Variants in CSMD1 observed in about 807,000 individuals in gnomAD.
CSMD1 encodes the protein CUB and sushi domain-containing protein 1.
In CSMD1, 213 loss-of-function variants were observed where a neutral mutation model predicts 417.5. The observed-to-expected ratio is 0.51, with a 90% CI of 0.46 to 0.57. The LOEUF (loss-of-function observed/expected upper bound fraction) is 0.57, where lower values mean the gene tolerates loss of function less well. Among genes scored for constraint, CSMD1 ranks in the 20% least tolerant of loss-of-function variants. The pLI is 0.00. For synonymous variants in CSMD1, 2,862 were observed against 1,736.8 expected (o/e 1.65, Z -16.11); for missense variants, 6,923 against 4,529.7 (o/e 1.53, Z -15.17).
intron 2 of CSMD1, among the ~76,000 whole-genome samples, chr8:4,606,672 G>T (rs151246852): frequency 6.6e-6 from 1 of 152,108 alleles, no homozygotes; most frequent in African/African-American, 2.4e-5. Flanking sequence ...CTATTCACTT[G>T]GATGACTTCT....
intron 10 of CSMD1, among the ~76,000 whole-genome samples, chr8:3,554,766 G>A (rs528542429): frequency 6.6e-6 from 1 of 152,170 alleles, no homozygotes; most frequent in Non-Finnish European, 1.5e-5. Context: ...GCGGGGGAGG[G>A]AGTAAATCTA....
chr8:3,669,800 A>G (rs930112224), intron 7 of CSMD1, among the ~76,000 whole-genome samples: 4 of 152,264 alleles, frequency 2.6e-5, no homozygotes, highest in African/African-American at 4.8e-5. Flanking sequence ...ATCCACGTGC[A>G]GCCCTAACAG....
intron 4 of CSMD1, among the ~76,000 whole-genome samples, chr8:4,026,955 C>G (rs1797094270): frequency 1.3e-5 from 2 of 152,166 alleles, no homozygotes; most frequent in Non-Finnish European, 1.5e-5. Context: ...AACTGAAAAC[C>G]TACTTTGCAG....
At chr8:4,335,616 A>G (rs1489071882) in intron 3 of CSMD1, among the ~76,000 whole-genome samples, 2 of 152,136 alleles carry the variant, frequency 1.3e-5, no homozygotes, top group Non-Finnish European at 2.9e-5. Context: ...ATTATCATTG[A>G]TTCATGTATT....
Position 3,664,742 on chromosome 8 carries a change from T to TC in CSMD1, c.1009+43671dup, listed in dbSNP as rs1798597072. 2.0e-5 allele frequency among the ~76,000 whole-genome samples: 3 copies of TC among 152,320 alleles called. No individual in the cohort carries two copies. The East Asian group carries it at 5.8e-4, about 29-fold the overall frequency. On this transcript the variant is annotated intron_variant, in intron 7 of 69. Coordinates refer to ENST00000635120, the MANE Select transcript of CSMD1 (RefSeq NM_033225.6). Reference sequence around the variant, plus strand: ...TGAATAAAAATATCTAATGAAGATGTCCAGGTTAACATTGAAAATAAAGAG... The same window carrying TC: ...TGAATAAAAATATCTAATGAAGATGTCCCAGGTTAACATTGAAAATAAAGAG...
At chr8:3,844,719 T>G (rs781145133) in intron 5 of CSMD1, among the ~76,000 whole-genome samples, 1 of 152,174 alleles carries the variant, frequency 6.6e-6, no homozygotes, top group Admixed American at 6.5e-5. Flanking sequence ...TCTGATAAAC[T>G]GAAATACAGA....
rs147034448 is a variant in CSMD1 at position 4,653,911 on chromosome 8, A to AT, written c.86-16354dup. ...AAATATCTCAGTAGTCTCAGTAGTC[A>AT]TTTTTTTTTAACCAAAGTATAATAT... On this transcript the variant is annotated intron_variant, in intron 1 of 69. Coordinates refer to ENST00000635120, the MANE Select transcript of CSMD1 (RefSeq NM_033225.6). Among the ~76,000 whole-genome samples, 51 of 151,368 alleles carry AT rather than the reference A, an allele frequency of 3.4e-4. 1 individual carries two copies. Among genetic ancestry groups the AT allele is most frequent in the Admixed American group, 2.0e-3 (30 of 15,202 alleles).
intron 18 of CSMD1, among the ~76,000 whole-genome samples, chr8:3,377,328 C>T (rs1810374714): frequency 6.6e-6 from 1 of 152,052 alleles, no homozygotes; most frequent in Admixed American, 6.6e-5. Context: ...TAGATTTTTA[C>T]CACAAATTCT....
chr8:3,807,001 T>G (rs927506829), intron 5 of CSMD1, among the ~76,000 whole-genome samples: 4 of 152,170 alleles, frequency 2.6e-5, no homozygotes, highest in Non-Finnish European at 5.9e-5. Context: ...CAGATAAAAC[T>G]GGCTAGAGGG....
chr8:4,441,271 T>G (rs1339991353), intron 2 of CSMD1, among the ~76,000 whole-genome samples: 2 of 139,464 alleles, frequency 1.4e-5, no homozygotes, highest in Non-Finnish European at 3.1e-5. Flanking sequence ...TTTTTTTTTT[T>G]TTTTTTTTTT....
intron 10 of CSMD1, among the ~76,000 whole-genome samples, chr8:3,516,133 G>A (rs1292391175): frequency 1.3e-5 from 2 of 152,162 alleles, no homozygotes; most frequent in South Asian, 2.1e-4. Context: ...GGAACAGAAT[G>A]TAAATCTATG....
chr8:3,623,409 G>A (rs1172640827), intron 7 of CSMD1, among the ~76,000 whole-genome samples: 1 of 152,086 alleles, frequency 6.6e-6, no homozygotes, highest in Non-Finnish European at 1.5e-5. Context: ...TAAAGCAAGT[G>A]TCTGAAAAGA....
intron 21 of CSMD1, among the ~76,000 whole-genome samples, 195 bp from the exon 22 acceptor site, chr8:3,348,356 T>A (rs573399390): frequency 1.3e-5 from 2 of 152,182 alleles, no homozygotes; most frequent in Admixed American, 1.3e-4. Context: ...CCCACCTAGC[T>A]CATTTTGAAA....
chr8:3,784,752 T>G (rs1402712540), intron 5 of CSMD1, among the ~76,000 whole-genome samples: 1 of 152,176 alleles, frequency 6.6e-6, no homozygotes, highest in African/African-American at 2.4e-5. Flanking sequence ...CATGACTAAG[T>G]AAAATAAGAT....
rs944122883 is a variant in CSMD1 at position 3,287,564 on chromosome 8, A to G, written c.3951-3218T>C. On this transcript the variant is annotated intron_variant, in intron 25 of 69. Transcript: ENST00000635120. Reference sequence around the variant, plus strand: ...TAGGTATTTTATTCTCTTTGAAGCAATTGTGAATGGGAGTTCACTCATGAT... The same window carrying G: ...TAGGTATTTTATTCTCTTTGAAGCAGTTGTGAATGGGAGTTCACTCATGAT... 2.9e-4 allele frequency among the ~76,000 whole-genome samples: 44 copies of G among 152,230 alleles called. 1 individual carries two copies. Among genetic ancestry groups the G allele is most frequent in the East Asian group, 1.9e-4 (1 of 5,178 alleles).
At chr8:4,904,223 G>C (rs538521867) in intron 1 of CSMD1, among the ~76,000 whole-genome samples, 35 of 152,020 alleles carry the variant, frequency 2.3e-4, no homozygotes, top group African/African-American at 8.5e-4. Flanking sequence ...CCTAAAATTA[G>C]GCATCATAGA....
At chr8:4,892,698 A>G (rs1484373557) in intron 1 of CSMD1, among the ~76,000 whole-genome samples, 1 of 152,032 alleles carries the variant, frequency 6.6e-6, no homozygotes, top group Non-Finnish European at 1.5e-5. Flanking sequence ...GTCTTTTTGT[A>G]CATTTACTGA....
chr8:4,825,661 A>G (rs1332814595), intron 1 of CSMD1, among the ~76,000 whole-genome samples: 1 of 152,066 alleles, frequency 6.6e-6, no homozygotes, highest in Non-Finnish European at 1.5e-5. Context: ...CACAGCAAAG[A>G]AAACAATCAA....
chr8:3,437,179 T>C (rs1019436968), intron 12 of CSMD1, among the ~76,000 whole-genome samples: 3 of 152,174 alleles, frequency 2.0e-5, no homozygotes, highest in Non-Finnish European at 4.4e-5. Context: ...ATCATAATAC[T>C]GTTCAAGGGG....
Sources: gnomAD v4.1 joint callset for allele counts (sites outside exome capture counted in the v4.1 genomes callset) on GRCh38, gnomAD v4.1.1 for gene constraint, MANE v1.5 for transcripts, NCBI Gene and HGNC (gene_info 2026-07-23, HGNC 2026-07-21) for gene names.